The following TRPM1 variants were observed in gnomAD, a reference collection of about 807,000 sequenced individuals.
TRPM1 encodes the protein transient receptor potential cation channel subfamily M member 1, also known as TRPM1-203 APA Isoform, Intron 10.
Under a neutral mutation model 149.4 loss-of-function variants are expected in TRPM1, and 113 were observed. The ratio of observed to expected loss-of-function variants is 0.76; its 90% CI spans 0.65 to 0.88. The LOEUF (loss-of-function observed/expected upper bound fraction) is 0.88, where lower values mean the gene tolerates loss of function less well. Ranked by LOEUF, TRPM1 falls within the 40% of genes least tolerant of loss-of-function variation. The pLI is 0.00. For missense variants in TRPM1, 1,976 were observed against 2,038.7 expected (o/e 0.97, Z 0.59); for synonymous variants, 741 against 759.5 (o/e 0.98, Z 0.40).
At chr15:31,047,290 G>T (rs770994163) in intron 14 of TRPM1, 39 bp from the exon 15 acceptor site, 2 of 1,613,608 alleles carry the variant, frequency 1.2e-6, no homozygotes, top group Non-Finnish European at 1.7e-6. Context: ...GTGAGAATGC[G>T]TTCGCAGTGT....
Position 31,110,843 on chromosome 15 carries a change from TTCTC to T in TRPM1, c.55-33863_55-33860del, listed in dbSNP as rs202074559. On this transcript the variant is annotated intron_variant, in intron 1 of 26. Coordinates refer to the TRPM1 transcript ENST00000542188. ...CATTTTTTTCTCCTTTCTGTTTTCT[TTCTC>T]TCTCTCTCACTTTTTCTTTTCTTTC... Among the ~76,000 whole-genome samples, 778 of 151,842 alleles carry T rather than the reference TTCTC, an allele frequency of 5.1e-3. 8 individuals are homozygous for T. The highest frequency in any genetic ancestry group is 0.018 in the African/African-American group (727 of 41,400).
intron 10 of TRPM1, among the ~76,000 whole-genome samples, chr15:31,061,170 C>T (rs1334031550): frequency 6.6e-6 from 1 of 152,244 alleles, no homozygotes; most frequent in African/African-American, 2.4e-5. Context: ...CTGATGTTTA[C>T]ACTCTAGGAG....
intron 11 of TRPM1, among the ~76,000 whole-genome samples, chr15:31,053,166 C>G (rs183039560): frequency 1.1e-3 from 168 of 152,286 alleles, no homozygotes; most frequent in African/African-American, 3.9e-3. Context: ...CACACAAAAA[C>G]GCTCAATATC....
At chr15:31,074,556 G>C (rs2034643301) in intron 3 of TRPM1, among the ~76,000 whole-genome samples, 1 of 151,944 alleles carries the variant, frequency 6.6e-6, no homozygotes, top group African/African-American at 2.4e-5. Context: ...TCTGAGTCTA[G>C]TCATTTGAGT....
intron 1 of TRPM1, among the ~76,000 whole-genome samples, chr15:31,140,052 G>GC (rs113987478): frequency 0.039 from 5,965 of 151,940 alleles, 384 homozygotes; most frequent in African/African-American, 0.14. Context: ...TGGATATTTG[G>GC]CCCTCTAAAC....
chr15:31,047,296 A>G (rs912261658), intron 14 of TRPM1, 45 bp from the exon 15 acceptor site: 2 of 1,612,964 alleles, frequency 1.2e-6, no homozygotes, highest in African/African-American at 2.7e-5. Flanking sequence ...ATGCGTTCGC[A>G]GTGTGGACTT....
rs552810560 is a variant in TRPM1, at chr15:31,149,711, G to A, written c.54+11195C>T. ...ATTTTTTGTATTTTTAGTAGAGACG[G>A]GGTTTCACCGTGTTAGCCAGGATGG... On this transcript the variant is annotated intron_variant, in intron 1 of 26. Coordinates refer to the TRPM1 transcript ENST00000542188. 6.1e-4 allele frequency among the ~76,000 whole-genome samples: 93 copies of A among 152,046 alleles called. 2 individuals are homozygous for A. The highest frequency in any genetic ancestry group is 2.0e-4 in the Admixed American group (3 of 15,256).
At chr15:31,156,908 T>C (rs1241099131) in intron 1 of TRPM1, among the ~76,000 whole-genome samples, 6 of 150,908 alleles carry the variant, frequency 4.0e-5, no homozygotes, top group Admixed American at 2.0e-4. Flanking sequence ...TAGATTTTTC[T>C]ATAAATAGTG....
At position 31,028,476 on chromosome 15, in the gene TRPM1, G is replaced by A; in HGVS notation, c.3149C>T (p.Pro1050Leu). 1 of 1,613,774 alleles carries A rather than the reference G, an allele frequency of 6.2e-7. No homozygotes were observed. Among genetic ancestry groups the A allele is most frequent in the Non-Finnish European group, 8.5e-7 (1 of 1,179,982 alleles). Residue 1050 changes from proline (P) to leucine (L), a missense_variant and splice_region_variant, in exon 25 of 28, where the codon CCT (proline) becomes CTT (leucine). Transcript: ENST00000256552. ...QIDLYAMEIN[P>L]PCGENLYDEE... Reference sequence around the variant, plus strand: ...ATCATATAGGTTCTCACCACAAGGAGCTGAAAGAAAAAAATAGTTTTGTCT... The same window carrying A: ...ATCATATAGGTTCTCACCACAAGGAACTGAAAGAAAAAAATAGTTTTGTCT...
At chr15:31,129,387 G>A (rs962706177) in intron 1 of TRPM1, among the ~76,000 whole-genome samples, 21 of 152,294 alleles carry the variant, frequency 1.4e-4, no homozygotes, top group African/African-American at 4.6e-4. Flanking sequence ...GACCCTGCAG[G>A]GTTACTTCTC....
At chr15:31,106,326 C>CAG (rs10681916), upstream of TRPM1, among the ~76,000 whole-genome samples, 60,948 of 151,230 alleles carry the variant, frequency 0.4, 12,890 homozygotes, top group East Asian at 0.72. Context: ...TTAGTAGAGA[C>CAG]AGTTTCACCA....
intron 10 of TRPM1, 106 bp from the exon 11 acceptor site, chr15:31,060,750 G>T: frequency 1.1e-6 from 1 of 870,834 alleles, no homozygotes; most frequent in Non-Finnish European, 1.9e-6. Flanking sequence ...TGCTGGCCTA[G>T]AACTAAGCAT....
intron 1 of TRPM1, among the ~76,000 whole-genome samples, chr15:31,126,186 A>G (rs2035949843): frequency 6.6e-6 from 1 of 152,160 alleles, no homozygotes; most frequent in Non-Finnish European, 1.5e-5. Context: ...AACAGAGTAA[A>G]AATTGGCATA....
intron 1 of TRPM1, among the ~76,000 whole-genome samples, chr15:31,129,489 C>T (rs541746299): frequency 1.3e-5 from 2 of 152,296 alleles, no homozygotes; most frequent in South Asian, 2.1e-4. Context: ...CCTCCAGTGC[C>T]GACCTGATAC....
chr15:31,018,170 G>C (rs1011353506), intron 27 of TRPM1, among the ~76,000 whole-genome samples: 11 of 151,978 alleles, frequency 7.2e-5, no homozygotes, highest in African/African-American at 2.4e-4. Context: ...TCCTGCCTCA[G>C]CCTCCCAAAC....
chr15:31,065,591 C>G (rs2034351290), intron 7 of TRPM1, among the ~76,000 whole-genome samples: 1 of 152,100 alleles, frequency 6.6e-6, no homozygotes, highest in Non-Finnish European at 1.5e-5. Flanking sequence ...AGGATGATGC[C>G]CCTTCAGGAG....
At chr15:31,061,957 G>A (rs1479181850) in intron 9 of TRPM1, among the ~76,000 whole-genome samples, 1 of 152,118 alleles carries the variant, frequency 6.6e-6, no homozygotes, top group Non-Finnish European at 1.5e-5. Context: ...CAAAGTGCTG[G>A]GATTACAGGT....
upstream of TRPM1, among the ~76,000 whole-genome samples, chr15:31,104,742 T>C (rs181991321): frequency 1.1e-3 from 163 of 152,052 alleles, no homozygotes; most frequent in East Asian, 2.1e-3. Context: ...TACAGGTGCC[T>C]GCCACCACGC....
intron 1 of TRPM1, among the ~76,000 whole-genome samples, chr15:31,096,269 A>G (rs1349161586): frequency 6.6e-6 from 1 of 152,092 alleles, no homozygotes; most frequent in East Asian, 1.9e-4. Context: ...CCCATGGTAA[A>G]ACACAAGGAT....
Sources: allele counts gnomAD v4.1 joint callset (sites outside exome capture counted in the v4.1 genomes callset), GRCh38; gene constraint gnomAD v4.1.1; transcripts MANE v1.5; gene names NCBI Gene and HGNC (gene_info 2026-07-23, HGNC 2026-07-21).